PYCR1: variants seen among roughly 807,000 people sequenced by gnomAD.
PYCR1 encodes the protein pyrroline-5-carboxylate reductase 1, mitochondrial.
PYCR1 carries 19 observed loss-of-function variants against 22.9 expected under a neutral mutation model. That is an observed-to-expected ratio of 0.83 (90% CI 0.58 to 1.22). The LOEUF (loss-of-function observed/expected upper bound fraction) is 1.22. Ranked by LOEUF, PYCR1 falls within the 50% of genes most tolerant of loss-of-function variation. The pLI is 0.00. For missense variants in PYCR1, 429 were observed against 431.3 expected, an observed-to-expected ratio of 0.99 and a Z score of 0.05; for synonymous variants, 175 against 180.5, an observed-to-expected ratio of 0.97 and a Z score of 0.24.
chr17:81,936,606 G>T, intron 1 of PYCR1, 142 bp downstream of exon 1: 1 of 907,850 alleles, frequency 1.1e-6, no homozygotes, highest in Non-Finnish European at 1.7e-6. Context: ...CACAGGTAAA[G>T]CCCCAAACAC....
rs1021566894 is a variant in PYCR1 at position 81,933,049 on chromosome 17, C to G, written c.*165G>C. 4 of 1,576,764 alleles carry G rather than the reference C, an allele frequency of 2.5e-6. No individual in the cohort carries two copies. In the South Asian group the frequency reaches 4.6e-5, roughly 18 times the overall value. ...TGGGCTGGGAAGCACTTGCAGACCA[C>G]AGAGATTTCCAGTGGGAAGTGATGT... is the stretch of plus-strand genomic sequence containing the variant. On this transcript the variant is annotated 3_prime_UTR_variant, in exon 7 of 7. Coordinates refer to ENST00000329875, the MANE Select transcript of PYCR1 (RefSeq NM_006907.4).
In PYCR1 at chr17:81,935,165, G is replaced by C. The variant is rs756206607; in HGVS notation, c.319-18C>G. 6.3e-7 allele frequency: 1 copy of C among 1,596,248 alleles called. No homozygotes were observed. Among genetic ancestry groups the C allele is most frequent in the Non-Finnish European group, 8.5e-7 (1 of 1,174,116 alleles). On this transcript the variant is annotated intron_variant, in intron 3 of 6. Transcript: ENST00000329875. The stretch of plus-strand genomic sequence containing the variant: ...GACAGCTTCTGGAAGAGAAACCAGC[G>C]TGTCCGTCTGGCCATGGACGCAGTG...
At chr17:81,933,724 G>A (rs2041063029) in intron 6 of PYCR1, among the ~76,000 whole-genome samples, 1 of 152,234 alleles carries the variant, frequency 6.6e-6, no homozygotes, top group African/African-American at 2.4e-5. Context: ...CGCAGAGTCT[G>A]AGGGTGTCTG....
At chr17:81,936,495 GA>G (rs2041197740) in intron 1 of PYCR1, among the ~76,000 whole-genome samples, 1 of 152,180 alleles carries the variant, frequency 6.6e-6, no homozygotes, top group Admixed American at 6.5e-5. Flanking sequence ...AAAGTGCTGG[GA>G]TTACAGGCGT....
In PYCR1 at chr17:81,935,399, T is replaced by C; in HGVS notation, c.256A>G (p.Ile86Val). ...GACACCACAATGTGTCTGTCCTCAA[T>C]GTCGGCGCCTATTTCATCCAGGATG... ...PFILDEIGAD[I>V]EDRHIVVSCA... Residue 86 changes from isoleucine to valine, a missense_variant, in exon 3 of 7, where the codon ATT (isoleucine) becomes GTT (valine). By Grantham distance (29) the Ile-to-Val change is conservative. Transcript: ENST00000329875. The C allele has an allele frequency of 1.2e-6, 2 of 1,613,640 alleles. No individual in the cohort carries two copies. Among genetic ancestry groups the C allele is most frequent in the African/African-American group, 2.7e-5 (2 of 75,050 alleles).
At chr17:81,935,294 C>T in intron 3 of PYCR1, 43 bp downstream of exon 3, 2 of 1,607,820 alleles carry the variant, frequency 1.2e-6, no homozygotes, top group East Asian at 2.2e-5. Flanking sequence ...GGCCCGGGCT[C>T]TAGACAGCCC....
chr17:81,934,571 G>A, intron 5 of PYCR1, 82 bp from the exon 6 acceptor site: 5 of 1,553,778 alleles, frequency 3.2e-6, no homozygotes, highest in South Asian at 2.4e-5. Flanking sequence ...AGCACACACT[G>A]ACGCCCCACT....
rs570297127 is a variant in PYCR1, at chr17:81,937,249, G to C, written c.-435C>G. ...CGACCCCAACCCAGCTACCGTGCGC[G>C]GGTCGTACCCACCCCTCAGCGCTGC... is the stretch of plus-strand genomic sequence containing the variant. On this transcript the variant is annotated 5_prime_UTR_variant, in exon 1 of 7. Transcript: ENST00000329875. 2,264 of 1,384,858 alleles carry C rather than the reference G, an allele frequency of 1.6e-3. 6 individuals carry two copies. Among genetic ancestry groups the C allele is most frequent in the Admixed American group, 2.5e-3 (78 of 30,808 alleles). 85.8% of individuals were successfully genotyped at this position (1,384,858 alleles called of 1,614,324 possible).
chr17:81,936,765 T>C lies in PYCR1; in HGVS notation c.50A>G (p.Lys17Arg), dbSNP rs1279036604. Residue 17 changes from lysine to arginine, a missense_variant, in exon 1 of 7, where the codon AAG becomes AGG. Coordinates refer to ENST00000329875, the MANE Select transcript of PYCR1 (RefSeq NM_006907.4). The stretch of plus-strand genomic sequence containing the variant: ...GGGCCTACCTGCTGCTGTGAAGCCC[T>C]TGGCCAGGGCAAAAGCCAGCTGGCC... ...GAGQLAFALA[K>R]GFTAAGVLAA... 6.2e-6 allele frequency: 10 copies of C among 1,609,860 alleles called. No individual in the cohort carries two copies. The highest frequency in any genetic ancestry group is 4.4e-5 in the South Asian group (4 of 90,310).
Position 81,932,735 on chromosome 17 carries a change from T to G in PYCR1, c.*479A>C. 1 of 1,224,240 alleles carries G rather than the reference T, an allele frequency of 8.2e-7. No homozygotes were observed. Among genetic ancestry groups the G allele is most frequent in the African/African-American group, 1.5e-5 (1 of 66,528 alleles). The allele number at this position is 1,224,240 out of a possible 1,614,324, so 75.8% of individuals were successfully genotyped here. On this transcript the variant is annotated 3_prime_UTR_variant, in exon 7 of 7. Coordinates refer to ENST00000329875, the MANE Select transcript of PYCR1 (RefSeq NM_006907.4). ...CAAGAGGGGCTGTGGCCCTTCACGCTGGACTTGGGATGCCTGGACCCTCTG... is the reference window on the plus strand; with the variant it reads ...CAAGAGGGGCTGTGGCCCTTCACGCGGGACTTGGGATGCCTGGACCCTCTG...
At position 81,933,093 on chromosome 17, in the gene PYCR1, T is replaced by A. The variant is rs992968032; in HGVS notation, c.*121A>T. Reference sequence around the variant, plus strand: ...GTGATGTGGCCCCTCCCTGGCTATGTCCCTGGCTGGCCCCTGCGCTGATCA... The same window carrying A: ...GTGATGTGGCCCCTCCCTGGCTATGACCCTGGCTGGCCCCTGCGCTGATCA... On this transcript the variant is annotated 3_prime_UTR_variant, in exon 7 of 7. Coordinates refer to ENST00000329875, the MANE Select transcript of PYCR1 (RefSeq NM_006907.4). 1 of 1,594,346 alleles carries A rather than the reference T, an allele frequency of 6.3e-7. No homozygotes were observed. Among genetic ancestry groups the A allele is most frequent in the Non-Finnish European group, 8.5e-7 (1 of 1,175,606 alleles).
chr17:81,933,471 C>T (rs142937970), intron 6 of PYCR1, 95 bp from the exon 7 acceptor site: 4 of 1,445,358 alleles, frequency 2.8e-6, no homozygotes, highest in South Asian at 1.2e-5. Flanking sequence ...CAGCCCTGGG[C>T]GATGCTGTCA....
In PYCR1 at chr17:81,937,188, C is replaced by T; in HGVS notation, c.-374G>A. On this transcript the variant is annotated 5_prime_UTR_variant, in exon 1 of 7. Transcript: ENST00000329875. ...GCCCAGAACTGGGCTACCGTCGCGC[C>T]CCACCCGGCGACCGCCGCCCACCAT... The T allele has an allele frequency of 6.8e-7, 1 of 1,476,052 alleles. No homozygotes were observed. The highest frequency in any genetic ancestry group is 1.3e-5 in the South Asian group (1 of 75,792). The allele number at this position is 1,476,052 out of a possible 1,614,324, so 91.4% of individuals were successfully genotyped here. A position where few individuals can be genotyped will look rare whatever the true frequency, so the allele number is the denominator to read the frequency against.
At position 81,933,320 on chromosome 17, in the gene PYCR1, GTCT is replaced by G. The variant is rs748825283; in HGVS notation, c.851_853del (p.Lys284del). The G allele has an allele frequency of 1.9e-6, 3 of 1,614,040 alleles. No individual in the cohort carries two copies. Among genetic ancestry groups the G allele is most frequent in the Non-Finnish European group, 2.5e-6 (3 of 1,180,004 alleles). On this transcript the variant is annotated inframe_deletion, in exon 7 of 7. Transcript: ENST00000329875. Reference sequence around the variant, plus strand: ...GTCCAGCTTCACCTTGTCCAGGATGGTCTTCTTGATGGCGGCTGGTGACACCTG... The same window carrying G: ...GTCCAGCTTCACCTTGTCCAGGATGGTCTTGATGGCGGCTGGTGACACCTG...
In PYCR1 at chr17:81,936,752, T is replaced by C; in HGVS notation, c.63A>G (p.Ala21=). The change falls in exon 1 of 7, where the codon GCA becomes GCG. Residue 21 remains alanine, a synonymous_variant. Coordinates refer to ENST00000329875, the MANE Select transcript of PYCR1 (RefSeq NM_006907.4). The part of the protein sequence containing the change: ...LAFALAKGFT[A]AGVLAAHKIM... ...GTCCCCCACCTGGGGGCCTACCTGCTGCTGTGAAGCCCTTGGCCAGGGCAA... is the reference window on the plus strand; with the variant it reads ...GTCCCCCACCTGGGGGCCTACCTGCCGCTGTGAAGCCCTTGGCCAGGGCAA... 1 of 1,608,216 alleles carries C rather than the reference T, an allele frequency of 6.2e-7. No individual in the cohort carries two copies. The highest frequency in any genetic ancestry group is 8.5e-7 in the Non-Finnish European group (1 of 1,178,206).
chr17:81,935,497 G>A lies in PYCR1; in HGVS notation c.158C>T (p.Thr53Ile), dbSNP rs1195266988. 2 of 1,610,978 alleles carry A rather than the reference G, an allele frequency of 1.2e-6. No individual in the cohort carries two copies. Among genetic ancestry groups the A allele is most frequent in the East Asian group, 4.5e-5 (2 of 44,810 alleles). ...SALRKMGVKL[T>I]PHNKETVQHS... ...CTGCACCGTCTCCTTGTTGTGGGGT[G>A]TCAACTTCACCCCCATCTTCTGCAG... is the stretch of plus-strand genomic sequence containing the variant. The change falls in exon 3 of 7, where the codon ACA becomes ATA. Residue 53 changes from threonine to isoleucine, a missense_variant. Thr to Ile is a moderately conservative substitution (Grantham distance 89). Coordinates refer to ENST00000329875, the MANE Select transcript of PYCR1 (RefSeq NM_006907.4).
chr17:81,932,819 G>C lies in PYCR1; in HGVS notation c.*395C>G. The C allele has an allele frequency of 6.4e-7, 1 of 1,561,582 alleles. No individual in the cohort carries two copies. The highest frequency in any genetic ancestry group is 8.7e-7 in the Non-Finnish European group (1 of 1,154,846). Reference sequence around the variant, plus strand: ...TGAATGGAGGGCAGGGAGGGGCCGGGAGGGGGCGTGGGATCCCACCTCTGC... The same window carrying C: ...TGAATGGAGGGCAGGGAGGGGCCGGCAGGGGGCGTGGGATCCCACCTCTGC... On this transcript the variant is annotated 3_prime_UTR_variant, in exon 7 of 7. Coordinates refer to ENST00000329875, the MANE Select transcript of PYCR1 (RefSeq NM_006907.4).
chr17:81,934,432 C>T lies in PYCR1; in HGVS notation c.691G>A (p.Val231Ile), dbSNP rs143893414. Reference sequence around the variant, plus strand: ...ATGGTGGCCCCACCAGGAGAGCTGACGTTGTCCTTGAGCTGGCCTGGGTGC... The same window carrying T: ...ATGGTGGCCCCACCAGGAGAGCTGATGTTGTCCTTGAGCTGGCCTGGGTGC... ...EQHPGQLKDNVSSPGGATIHA... is the reference protein window; with the variant it reads ...EQHPGQLKDNISSPGGATIHA... The change falls in exon 6 of 7, where the codon GTC becomes ATC. Residue 231 changes from valine (V) to isoleucine (I), a missense_variant. Transcript: ENST00000329875. 1.7e-5 allele frequency: 27 copies of T among 1,611,042 alleles called. No homozygotes were observed. The African/African-American group carries it at 2.5e-4, about 15-fold the overall frequency.
chr17:81,936,830 C>T lies in PYCR1; in HGVS notation c.-16G>A. On this transcript the variant is annotated 5_prime_UTR_variant, in exon 1 of 7. Transcript: ENST00000329875. ...CCACGCTCATGCTGTCCGGAGACCC[C>T]TGGCCCAAAGCCCCCACAGATGGCA... is the stretch of plus-strand genomic sequence containing the variant. 3 of 1,603,486 alleles carry T rather than the reference C, an allele frequency of 1.9e-6. No homozygotes were observed. The highest frequency in any genetic ancestry group is 2.6e-6 in the Non-Finnish European group (3 of 1,176,238).
Sources: allele counts gnomAD v4.1 joint callset (sites outside exome capture counted in the v4.1 genomes callset), GRCh38; gene constraint gnomAD v4.1.1; transcripts MANE v1.5; gene names NCBI Gene and HGNC (gene_info 2026-07-23, HGNC 2026-07-21).